Variants in CACNA1C observed in about 807,000 individuals in gnomAD.
The protein encoded by CACNA1C is voltage-dependent L-type calcium channel subunit alpha-1C.
In CACNA1C, 30 loss-of-function variants were observed where a neutral mutation model predicts 229.0. That is an observed-to-expected ratio of 0.13 (90% CI 0.10 to 0.18). CACNA1C has a LOEUF of 0.18. Among genes scored for constraint, CACNA1C ranks in the 10% least tolerant of loss-of-function variants. The pLI, the probability that CACNA1C is intolerant of heterozygous loss-of-function variation, is 1.00. For synonymous variants in CACNA1C, 1,114 were observed against 1,132.5 expected (o/e 0.98, Z 0.33); for missense variants, 1,658 against 2,845.0 (o/e 0.58, Z 9.49).
chr12:2,640,404 T>C (rs1367568484), intron 30 of CACNA1C, among the ~76,000 whole-genome samples: 1 of 152,186 alleles, frequency 6.6e-6, no homozygotes, highest in Non-Finnish European at 1.5e-5. Flanking sequence ...ACTTGACTTC[T>C]CTGTGTCGGT....
At chr12:2,683,086 A>C (rs1419428750) in intron 43 of CACNA1C, among the ~76,000 whole-genome samples, 1 of 152,194 alleles carries the variant, frequency 6.6e-6, no homozygotes, top group Non-Finnish European at 1.5e-5. Flanking sequence ...CTTATAATGA[A>C]GCTGCCCAGA....
intron 9 of CACNA1C, among the ~76,000 whole-genome samples, chr12:2,513,213 T>C (rs2099788676): frequency 6.6e-6 from 1 of 152,242 alleles, no homozygotes; most frequent in Admixed American, 6.5e-5. Flanking sequence ...TTAGAATATT[T>C]CACCTTGAAA....
chr12:2,627,382 T>C (rs2087368288), intron 29 of CACNA1C, among the ~76,000 whole-genome samples: 1 of 152,084 alleles, frequency 6.6e-6, no homozygotes, highest in Non-Finnish European at 1.5e-5. Context: ...TTCATGATAT[T>C]CAATGGGATC....
chr12:2,043,471 G>A (rs1387439446), intron 1 of CACNA1C, among the ~76,000 whole-genome samples: 4 of 152,000 alleles, frequency 2.6e-5, no homozygotes, highest in African/African-American at 9.7e-5. Flanking sequence ...GCAGGAGAGG[G>A]GAGAGACAGA....
Position 2,146,779 on chromosome 12 carries a change from T to G in CACNA1C, c.477+26349T>G, listed in dbSNP as rs117893668. Among the ~76,000 whole-genome samples the G allele has an allele frequency of 2.0e-5, 3 of 151,348 alleles. No homozygotes were observed. In the East Asian group the frequency reaches 5.8e-4, roughly 29 times the overall value. ...GCGTAGCCTTCTTCACCCTTTCCCC[T>G]CTTTTCTGCAGAATGGGTTTGTTAT... is the stretch of plus-strand genomic sequence containing the variant. On this transcript the variant is annotated intron_variant, in intron 3 of 46. Transcript: ENST00000399655.
intron 9 of CACNA1C, among the ~76,000 whole-genome samples, chr12:2,532,596 C>T (rs1272335488): frequency 3.9e-5 from 6 of 152,214 alleles, no homozygotes; most frequent in Non-Finnish European, 7.3e-5. Flanking sequence ...ACAGGCCCAC[C>T]GATGCCTGTG....
At chr12:2,044,319 C>T (rs1430440264) in intron 1 of CACNA1C, among the ~76,000 whole-genome samples, 3 of 152,176 alleles carry the variant, frequency 2.0e-5, no homozygotes, top group African/African-American at 7.2e-5. Flanking sequence ...TTGTTTCCAC[C>T]AGGCTCCACT....
intron 3 of CACNA1C, among the ~76,000 whole-genome samples, chr12:2,428,457 T>C (rs2099053298): frequency 6.6e-6 from 1 of 152,190 alleles, no homozygotes; most frequent in Non-Finnish European, 1.5e-5. Flanking sequence ...TTTAGTTCTA[T>C]TTGGGGGGCT....
At chr12:2,355,609 C>A (rs1302661250) in intron 3 of CACNA1C, among the ~76,000 whole-genome samples, 1 of 152,234 alleles carries the variant, frequency 6.6e-6, no homozygotes, top group African/African-American at 2.4e-5. Context: ...CTGCCCTGGT[C>A]ACCTGTTTCT....
chr12:1,975,163 T>C (rs1047900146), intron 1 of CACNA1C, among the ~76,000 whole-genome samples: 22 of 152,300 alleles, frequency 1.4e-4, no homozygotes, highest in African/African-American at 4.6e-4. Context: ...TCTGTGAATA[T>C]AGACATAGGA....
At chr12:2,068,934 G>A (rs2060302821) in intron 1 of CACNA1C, among the ~76,000 whole-genome samples, 1 of 152,216 alleles carries the variant, frequency 6.6e-6, no homozygotes, top group African/African-American at 2.4e-5. Context: ...GGTATCAGTT[G>A]GGGAATGAAC....
intron 2 of CACNA1C, among the ~76,000 whole-genome samples, chr12:2,118,886 G>A (rs2085222514): frequency 3.9e-5 from 6 of 152,200 alleles, no homozygotes; most frequent in Admixed American, 1.3e-4. Flanking sequence ...CCACTGTGTG[G>A]CATCTTTTTT....
At chr12:2,418,490 A>T (rs1254329689) in intron 3 of CACNA1C, among the ~76,000 whole-genome samples, 1 of 152,200 alleles carries the variant, frequency 6.6e-6, no homozygotes, top group Non-Finnish European at 1.5e-5. Flanking sequence ...TGCCCACAGC[A>T]GACTGTTGCT....
At chr12:2,151,209 C>A (rs1323767593) in intron 3 of CACNA1C, among the ~76,000 whole-genome samples, 1 of 152,152 alleles carries the variant, frequency 6.6e-6, no homozygotes, top group Non-Finnish European at 1.5e-5. Flanking sequence ...CAGATCAGAT[C>A]ATCTCATCCA....
chr12:2,318,880 G>T (rs1459750446), intron 3 of CACNA1C, among the ~76,000 whole-genome samples: 8 of 150,752 alleles, frequency 5.3e-5, no homozygotes. Context: ...GGATGGGGAG[G>T]GTTGGATAGA....
At chr12:2,060,069 A>G (rs574256084) in intron 1 of CACNA1C, among the ~76,000 whole-genome samples, 1 of 152,380 alleles carries the variant, frequency 6.6e-6, no homozygotes, top group African/African-American at 2.4e-5. Context: ...AAGTTCATAC[A>G]TGTCCACAAG....
chr12:2,102,561 C>G (rs1419886265), intron 1 of CACNA1C, among the ~76,000 whole-genome samples: 1 of 152,200 alleles, frequency 6.6e-6, no homozygotes, highest in Non-Finnish European at 1.5e-5. Flanking sequence ...AGATGGCTGT[C>G]TGTCCTCAGG....
chr12:2,635,816 A>G (rs2092519906), intron 30 of CACNA1C, among the ~76,000 whole-genome samples: 2 of 151,934 alleles, frequency 1.3e-5, no homozygotes, highest in South Asian at 4.2e-4. Flanking sequence ...GTATGTGTGT[A>G]TATGTGAGTG....
intron 5 of CACNA1C, among the ~76,000 whole-genome samples, chr12:2,462,334 G>GCACACTTCCTCGGCAC (rs1567829978): frequency 5.5e-5 from 4 of 72,328 alleles, no homozygotes; most frequent in Non-Finnish European, 9.4e-5. Context: ...TCCTCGGCCC[G>GCACACTTCCTCGGCAC]CCCCTTGGCT....
Sources: gnomAD v4.1 joint callset for allele counts (sites outside exome capture counted in the v4.1 genomes callset) on GRCh38, gnomAD v4.1.1 for gene constraint, MANE v1.5 for transcripts, NCBI Gene and HGNC (gene_info 2026-07-23, HGNC 2026-07-21) for gene names.